The following TENM3 variants were observed in gnomAD, a reference collection of about 807,000 sequenced individuals.
TENM3 encodes teneurin-3.
A neutral mutation model predicts 255.1 loss-of-function variants in TENM3; 63 were observed. That is an observed-to-expected ratio of 0.25 (90% confidence interval 0.20 to 0.30). The LOEUF (loss-of-function observed/expected upper bound fraction) is 0.30. TENM3 is among the 10% of genes least tolerant of loss of function. The pLI is 1.00. For synonymous variants in TENM3, 1,306 were observed against 1,322.3 expected (o/e 0.99, Z 0.27); for missense variants, 2,929 against 3,461.1 (o/e 0.85, Z 3.86).
At chr4:182,025,169 C>T in the TENM3 span, among the ~76,000 whole-genome samples, 1 of 152,016 alleles carries the variant, frequency 6.6e-6, no homozygotes, top group African/African-American at 2.4e-5. Context: ...GCTGGGACTA[C>T]AGGCGCCCAC....
intron 3 of TENM3, among the ~76,000 whole-genome samples, chr4:182,552,217 C>T (rs926722277): frequency 1.3e-5 from 2 of 152,046 alleles, no homozygotes; most frequent in African/African-American, 4.8e-5. Context: ...GGCTGAGGCA[C>T]TTGTGGCCAG....
At chr4:182,027,493 A>G in the TENM3 span, among the ~76,000 whole-genome samples, 2 of 150,850 alleles carry the variant, frequency 1.3e-5, no homozygotes, top group Admixed American at 6.6e-5. Flanking sequence ...TCTAGCTAGG[A>G]TTTGCAGTAC....
At chr4:181,502,157 G>GA in the TENM3 span, among the ~76,000 whole-genome samples, 1 of 152,208 alleles carries the variant, frequency 6.6e-6, no homozygotes, top group Non-Finnish European at 1.5e-5. Flanking sequence ...TTTAGGCAAC[G>GA]AAACTCTTCT....
the TENM3 span, among the ~76,000 whole-genome samples, chr4:181,816,259 G>A: frequency 3.9e-5 from 6 of 152,126 alleles, no homozygotes; most frequent in African/African-American, 1.4e-4. Flanking sequence ...TGAGGAGCAG[G>A]TAAACCCCTC....
At chr4:182,232,052 C>T (rs989900459) in intron 1 of TENM3, among the ~76,000 whole-genome samples, 1 of 152,176 alleles carries the variant, frequency 6.6e-6, no homozygotes, top group Non-Finnish European at 1.5e-5. Flanking sequence ...TCAGGAGTCC[C>T]GTTCCCCATA....
intron 1 of TENM3, among the ~76,000 whole-genome samples, chr4:182,255,272 G>A (rs567187239): frequency 5.9e-5 from 9 of 152,158 alleles, no homozygotes; most frequent in South Asian, 2.1e-4. Context: ...TTCTGTAAGC[G>A]CATCATGATA....
the TENM3 span, among the ~76,000 whole-genome samples, chr4:181,703,213 C>T: frequency 3.3e-5 from 5 of 152,288 alleles, no homozygotes; most frequent in Non-Finnish European, 5.9e-5. Context: ...CACCACACAC[C>T]AGCCAAGTCT....
intron 6 of TENM3, among the ~76,000 whole-genome samples, chr4:182,661,389 A>G (rs1271652262): frequency 2.6e-5 from 4 of 151,970 alleles, no homozygotes; most frequent in African/African-American, 9.7e-5. Context: ...AGTACTAGAC[A>G]ACTCTAGAGA....
intron 1 of TENM3, among the ~76,000 whole-genome samples, chr4:182,161,613 GTA>G (rs1160189628): frequency 1.0e-5 from 1 of 100,080 alleles, no homozygotes; most frequent in African/African-American, 4.0e-5. Flanking sequence ...ATATATATAT[GTA>G]TATATATATA....
chr4:182,744,945 G>GA lies in TENM3; in HGVS notation c.3629+1535dup, dbSNP rs534395901. Among the ~76,000 whole-genome samples the GA allele has an allele frequency of 6.7e-5, 10 of 149,720 alleles. No individual in the cohort carries two copies. The East Asian group carries it at 7.8e-4, about 12-fold the overall frequency. On this transcript the variant is annotated intron_variant, in intron 19 of 27. Coordinates refer to ENST00000511685, the MANE Select transcript of TENM3 (RefSeq NM_001080477.4). ...TGATTGAAAAACTTTGCTCGGGATA[G>GA]AAAAAAAAAGGCGGAGGAAACCAAT...
intron 3 of TENM3, among the ~76,000 whole-genome samples, chr4:182,381,981 A>G (rs1485507114): frequency 6.6e-6 from 1 of 152,206 alleles, no homozygotes; most frequent in South Asian, 2.1e-4. Flanking sequence ...TATTGCTGAC[A>G]TTGCTAGAAT....
At chr4:181,467,770 A>C in the TENM3 span, among the ~76,000 whole-genome samples, 35 of 152,278 alleles carry the variant, frequency 2.3e-4, no homozygotes, top group African/African-American at 7.5e-4. Context: ...ATATATATTT[A>C]AAAGATGTTG....
At chr4:182,780,365 T>C (rs1417116602) in intron 24 of TENM3, among the ~76,000 whole-genome samples, 1 of 121,898 alleles carries the variant, frequency 8.2e-6, no homozygotes, top group Non-Finnish European at 1.6e-5. Flanking sequence ...CAGATAGTTG[T>C]AGATATGCGG....
the TENM3 span, among the ~76,000 whole-genome samples, chr4:181,464,194 C>G: frequency 6.6e-6 from 1 of 152,148 alleles, no homozygotes; most frequent in African/African-American, 2.4e-5. Context: ...ACTCACGTGG[C>G]AAATCATTGC....
chr4:182,284,657 A>C (rs1283775365), intron 1 of TENM3, among the ~76,000 whole-genome samples: 2 of 152,186 alleles, frequency 1.3e-5, no homozygotes, highest in African/African-American at 4.8e-5. Flanking sequence ...TAGGTGTATC[A>C]TGCAGTCAGA....
intron 1 of TENM3, among the ~76,000 whole-genome samples, chr4:182,282,458 T>A (rs1459197243): frequency 6.6e-6 from 1 of 152,182 alleles, no homozygotes; most frequent in Non-Finnish European, 1.5e-5. Context: ...GTAGTTTCAG[T>A]GTGTTAATAG....
intron 3 of TENM3, among the ~76,000 whole-genome samples, chr4:182,350,932 C>T (rs1382017514): frequency 2.6e-5 from 4 of 152,224 alleles, no homozygotes; most frequent in Admixed American, 2.6e-4. Flanking sequence ...ATCTGCCCGC[C>T]TCTGCCTCCC....
chr4:181,922,724 C>A, the TENM3 span, among the ~76,000 whole-genome samples: 1 of 148,526 alleles, frequency 6.7e-6, no homozygotes, highest in South Asian at 2.1e-4. Flanking sequence ...TTTTTTGTGT[C>A]TCTATTTCCT....
intron 3 of TENM3, among the ~76,000 whole-genome samples, chr4:182,483,756 A>G (rs1163137175): frequency 6.6e-6 from 1 of 152,130 alleles, no homozygotes; most frequent in African/African-American, 2.4e-5. Flanking sequence ...TACAGGAAGT[A>G]TGGCTGGGGA....
Sources: gnomAD v4.1 joint callset for allele counts (sites outside exome capture counted in the v4.1 genomes callset) on GRCh38, gnomAD v4.1.1 for gene constraint, MANE v1.5 for transcripts, NCBI Gene and HGNC (gene_info 2026-07-23, HGNC 2026-07-21) for gene names.